Variants in PODNL1 observed in about 807,000 individuals in gnomAD.
PODNL1 encodes podocan-like protein 1.
In PODNL1, 50 loss-of-function variants were observed where a neutral mutation model predicts 45.1. The observed-to-expected ratio is 1.11, with a 90% CI of 0.88 to 1.40. PODNL1 has a LOEUF of 1.40. Among genes scored for constraint, PODNL1 ranks in the 40% most tolerant of loss-of-function variants. The pLI is 0.00. For synonymous variants in PODNL1, 406 were observed against 372.5 expected (o/e 1.09, Z -1.04); for missense variants, 788 against 793.3 (o/e 0.99, Z 0.08).
At position 13,937,981 on chromosome 19, in the gene PODNL1, A is replaced by T; in HGVS notation, c.29T>A (p.Leu10Gln). The T allele has an allele frequency of 6.5e-7, 1 of 1,538,496 alleles. No individual in the cohort carries two copies. The highest frequency in any genetic ancestry group is 8.8e-7 in the Non-Finnish European group (1 of 1,138,536). ...GGCGACGGGCGGGGGCCCCGGCAAC[A>T]GCAGGAGCAGCAGCAGGCTCGGCCA... MWPSLLLLL[L>Q]LPGPPPVAGL... The change falls in exon 2 of 10, where the codon CTG (leucine) becomes CAG (glutamine). Residue 10 changes from leucine (L) to glutamine (Q), a missense_variant. This residue lies in a region of PODNL1 where 762 missense variants were observed against 750.9 expected (regional missense o/e 1.01). Transcript: ENST00000588872.
At chr19:13,945,073 G>A (rs1268219234) in intron 1 of PODNL1, among the ~76,000 whole-genome samples, 1 of 152,038 alleles carries the variant, frequency 6.6e-6, no homozygotes, top group African/African-American at 2.4e-5. Context: ...ACCACACTCG[G>A]CCTGTTTTAT....
At chr19:13,947,057 A>C (rs1364636385) in intron 1 of PODNL1, among the ~76,000 whole-genome samples, 1 of 150,990 alleles carries the variant, frequency 6.6e-6, no homozygotes, top group African/African-American at 2.4e-5. Flanking sequence ...AAAAAAACAA[A>C]AAAAAAACAC....
chr19:13,939,049 A>G (rs918628672), upstream of PODNL1, among the ~76,000 whole-genome samples: 1 of 152,120 alleles, frequency 6.6e-6, no homozygotes, highest in Non-Finnish European at 1.5e-5. Flanking sequence ...CATGAGGTCA[A>G]TTCTCCCAGA....
chr19:13,952,122 C>G (rs1249572704), intron 1 of PODNL1, among the ~76,000 whole-genome samples: 2 of 152,260 alleles, frequency 1.3e-5, no homozygotes, highest in Non-Finnish European at 2.9e-5. Context: ...TGAGGATTCT[C>G]GAGCCTTGGT....
intron 1 of PODNL1, among the ~76,000 whole-genome samples, chr19:13,946,632 C>A (rs777748396): frequency 2.0e-5 from 3 of 152,052 alleles, no homozygotes; most frequent in Non-Finnish European, 4.4e-5. Flanking sequence ...TTTTATGGCC[C>A]TTTTCCAGGT....
intron 4 of PODNL1, 46 bp from the exon 5 acceptor site, chr19:13,935,876 G>A: frequency 1.9e-6 from 3 of 1,559,678 alleles, no homozygotes; most frequent in Admixed American, 1.9e-5. Flanking sequence ...GTGCGCCTTG[G>A]CCCCACCACT....
intron 5 of PODNL1, among the ~76,000 whole-genome samples, chr19:13,934,817 GTGTGCATGTGTGCATGCC>G (rs1460332752): frequency 6.6e-6 from 1 of 151,978 alleles, no homozygotes; most frequent in Non-Finnish European, 1.5e-5. Context: ...GTAAGTGTGG[GTGTGCATGTGTGCATGCC>G]TGTGCATAAG....
rs937613946 is a variant in PODNL1 at position 13,932,068 on chromosome 19, G to A, written c.1470C>T (p.Asp490=). ...SHNELSFVPP[D]LPEALEELHL... ...GCAGCTCCTCTAGGGCCTCAGGCAG[G>A]TCCGGGGGCACAAAGGACAGCTCAT... The change falls in exon 9 of 10, where the codon GAC becomes GAT. Residue 490 remains aspartate, a synonymous_variant. Transcript: ENST00000588872. 12 of 1,232,680 alleles carry A rather than the reference G, an allele frequency of 9.7e-6. No homozygotes were observed. The African/African-American group carries it at 1.6e-4, about 16-fold the overall frequency. The allele number at this position is 1,232,680 out of a possible 1,614,324, so 76.4% of individuals were successfully genotyped here.
At chr19:13,949,470 C>T (rs929252283) in intron 1 of PODNL1, 1 of 151,550 alleles carries the variant, frequency 6.6e-6, no homozygotes, top group Admixed American at 6.6e-5. Context: ...ACACACCAGA[C>T]TAATGAAAAA....
chr19:13,932,279 T>A, intron 8 of PODNL1, 167 bp from the exon 9 acceptor site: 3 of 894,940 alleles, frequency 3.4e-6, no homozygotes, highest in Non-Finnish European at 2.9e-6. Context: ...AGAGGTAAAC[T>A]AAGGCCCTTC....
chr19:13,942,363 T>C (rs1021437171), upstream of PODNL1, among the ~76,000 whole-genome samples: 2 of 152,172 alleles, frequency 1.3e-5, no homozygotes, highest in Non-Finnish European at 2.9e-5. Context: ...CTGGCTTTAG[T>C]AGAAAGCCTC....
At chr19:13,936,319 C>G (rs371610747) in intron 3 of PODNL1, 48 bp downstream of exon 3, 19 of 1,526,204 alleles carry the variant, frequency 1.2e-5, no homozygotes, top group African/African-American at 1.4e-5. Context: ...GCTGAGACCT[C>G]GGTCAGTCCT....
intron 1 of PODNL1, 82 bp downstream of exon 1, chr19:13,938,097 G>T: frequency 2.0e-6 from 3 of 1,495,706 alleles, no homozygotes; most frequent in Non-Finnish European, 2.7e-6. Context: ...GGGTCTTGGT[G>T]GGGAGGCAGT....
intron 5 of PODNL1, 63 bp downstream of exon 5, chr19:13,935,658 T>C (rs772188810): frequency 2.1e-5 from 27 of 1,274,236 alleles, no homozygotes; most frequent in Admixed American, 8.7e-5. Flanking sequence ...TCATTGCTCC[T>C]AGAACCGGGG....
chr19:13,939,491 C>T (rs1041851054), upstream of PODNL1, among the ~76,000 whole-genome samples: 2 of 152,080 alleles, frequency 1.3e-5, no homozygotes, highest in Non-Finnish European at 2.9e-5. Context: ...GGATTACAGG[C>T]ATGAGCCACC....
chr19:13,938,502 G>T, upstream of PODNL1: 1 of 1,186,366 alleles, frequency 8.4e-7, no homozygotes. Context: ...AACAAGGAAT[G>T]TTTGGGGAAA....
rs371550232 is a variant in PODNL1, at chr19:13,934,376, C to G, written c.529G>C (p.Ala177Pro). 2 of 1,550,136 alleles carry G rather than the reference C, an allele frequency of 1.3e-6. No homozygotes were observed. The highest frequency in any genetic ancestry group is 4.1e-5 in the Admixed American group (2 of 48,896). Residue 177 changes from alanine to proline, a missense_variant, in exon 6 of 10, where the codon GCT becomes CCT. Transcript: ENST00000588872. The stretch of plus-strand genomic sequence containing the variant: ...CGGAAGGCGTCGGGGGGCAGGCCAG[C>G]GTTGCTCAGCTGGTTGTTGTGGAGG... The part of the protein sequence containing the change: ...VYLHNNQLSN[A>P]GLPPDAFRGS...
intron 1 of PODNL1, among the ~76,000 whole-genome samples, chr19:13,944,168 A>ATTAT (rs1972744066): frequency 6.6e-6 from 1 of 151,928 alleles, no homozygotes; most frequent in Admixed American, 6.6e-5. Flanking sequence ...TAATTAATTA[A>ATTAT]TTAATTTTTT....
chr19:13,946,091 A>T (rs980443805), intron 1 of PODNL1, among the ~76,000 whole-genome samples: 1 of 152,110 alleles, frequency 6.6e-6, no homozygotes, highest in African/African-American at 2.4e-5. Flanking sequence ...TCAAGGGAGG[A>T]TGAGAAACAC....
Sources: gnomAD v4.1 joint callset for allele counts (sites outside exome capture counted in the v4.1 genomes callset) on GRCh38, gnomAD v4.1.1 for gene constraint, gnomAD v4.1.1 regional missense constraint, MANE v1.5 for transcripts, NCBI Gene and HGNC (gene_info 2026-07-23, HGNC 2026-07-21) for gene names.